ZNF516: variants seen among roughly 807,000 people sequenced by gnomAD.
ZNF516 encodes the protein zinc finger protein 516.
A neutral mutation model predicts 79.7 loss-of-function variants in ZNF516; 19 were observed. The ratio of observed to expected loss-of-function variants is 0.24; its 90% CI spans 0.17 to 0.35. The LOEUF is 0.35. Among genes scored for constraint, ZNF516 ranks in the 10% least tolerant of loss-of-function variants. The pLI is 1.00. For synonymous variants in ZNF516, 877 were observed against 739.5 expected, an observed-to-expected ratio of 1.19 and a Z score of -3.02; for missense variants, 1,678 against 1,679.5, an observed-to-expected ratio of 1.00 and a Z score of 0.02.
At chr18:76,492,237 G>A (rs1915273174) in intron 1 of ZNF516, 1 of 985,378 alleles carries the variant, frequency 1.0e-6, no homozygotes, top group South Asian at 4.7e-5. Context: ...ACACGGAGAT[G>A]CTGCTCGGCT....
At chr18:76,452,629 G>A (rs2145619682) in intron 2 of ZNF516, among the ~76,000 whole-genome samples, 1 of 152,280 alleles carries the variant, frequency 6.6e-6, no homozygotes, top group South Asian at 2.1e-4. Context: ...TTAATTCCTG[G>A]TCCAAGAGGA....
chr18:76,467,637 G>T lies in ZNF516; in HGVS notation c.-271-4496C>A, dbSNP rs1471905481. Among the ~76,000 whole-genome samples the T allele has an allele frequency of 6.6e-6, 1 of 152,256 alleles. No individual in the cohort carries two copies. The highest frequency in any genetic ancestry group is 2.4e-5 in the African/African-American group (1 of 41,520). ...GTCCCTGCTGCTCCTTCCTAACTGG[G>T]ATCTTGAGAAAGACAACAGCCCCAG... On this transcript the variant is annotated intron_variant, in intron 1 of 6. Coordinates refer to ENST00000443185, the MANE Select transcript of ZNF516 (RefSeq NM_014643.4). This position sits in a 1 kb window ranked among gnomAD's most constrained non-coding sequence, Gnocchi z 4.2.
At chr18:76,403,612 C>T (rs374749855) in intron 3 of ZNF516, among the ~76,000 whole-genome samples, 1 of 152,170 alleles carries the variant, frequency 6.6e-6, no homozygotes, top group Admixed American at 6.5e-5. Context: ...AATACAAGAT[C>T]TAGAGTTTCA....
intron 3 of ZNF516, among the ~76,000 whole-genome samples, chr18:76,431,955 G>T (rs1489189340): frequency 6.6e-6 from 1 of 152,198 alleles, no homozygotes; most frequent in Non-Finnish European, 1.5e-5. Context: ...TGTTCAGGCG[G>T]CCCCGCCCAC....
chr18:76,495,398 G>C (rs1915443197), upstream of ZNF516: 1 of 147,602 alleles, frequency 6.8e-6, no homozygotes, highest in Admixed American at 6.7e-5. Context: ...GGGGCTGCGC[G>C]GCACGGGGAG....
chr18:76,413,130 C>T (rs902483186), intron 3 of ZNF516, among the ~76,000 whole-genome samples: 9 of 152,216 alleles, frequency 5.9e-5, no homozygotes, highest in East Asian at 3.8e-4. Flanking sequence ...GCTGAAAATG[C>T]CATACGGTTT....
chr18:76,451,560 C>T lies in ZNF516; in HGVS notation c.-157-8349G>A, dbSNP rs1175445941. ...ATCATAAAATCTAAAAGAGCAACTA[C>T]GCTGGTGCGTTTCTGAAGGACGACT... On this transcript the variant is annotated intron_variant, in intron 2 of 6. Coordinates refer to ENST00000443185, the MANE Select transcript of ZNF516 (RefSeq NM_014643.4). The surrounding 1 kb of genome is among the most constrained non-coding windows in gnomAD (Gnocchi z 6.0). 6.6e-6 allele frequency among the ~76,000 whole-genome samples: 1 copy of T among 152,186 alleles called. No homozygotes were observed. The highest frequency in any genetic ancestry group is 1.5e-5 in the Non-Finnish European group (1 of 68,032).
chr18:76,492,038 G>A, intron 1 of ZNF516: 1 of 430,086 alleles, frequency 2.3e-6, no homozygotes, highest in South Asian at 9.7e-5. Context: ...GGTGACCTCG[G>A]TGCGGCCTGG....
At chr18:76,403,877 A>C (rs963837752) in intron 3 of ZNF516, among the ~76,000 whole-genome samples, 2 of 152,200 alleles carry the variant, frequency 1.3e-5, no homozygotes, top group Non-Finnish European at 2.9e-5. Context: ...TGATTTTTAA[A>C]ATCTGGGGAA....
At chr18:76,369,137 C>G (rs2074662800) in intron 6 of ZNF516, among the ~76,000 whole-genome samples, 1 of 152,162 alleles carries the variant, frequency 6.6e-6, no homozygotes, top group Non-Finnish European at 1.5e-5. Flanking sequence ...AAACACATCA[C>G]GGTGACTGTT....
intron 1 of ZNF516, among the ~76,000 whole-genome samples, chr18:76,478,197 T>C (rs1599152158): frequency 2.6e-5 from 4 of 152,186 alleles, no homozygotes. Flanking sequence ...AATTCATCGA[T>C]GAAGACTGCG....
chr18:76,370,630 T>C (rs2074687722), intron 5 of ZNF516, 35 bp from the exon 6 acceptor site: 2 of 1,547,784 alleles, frequency 1.3e-6, no homozygotes, highest in African/African-American at 1.4e-5. Context: ...CAGATCAGCG[T>C]GTGAGCTTCC....
At chr18:76,395,162 A>G (rs2075127559) in intron 3 of ZNF516, among the ~76,000 whole-genome samples, 1 of 152,196 alleles carries the variant, frequency 6.6e-6, no homozygotes, top group Non-Finnish European at 1.5e-5. Flanking sequence ...TGTTAAACAC[A>G]AGAAAGGGAA....
intron 1 of ZNF516, among the ~76,000 whole-genome samples, chr18:76,472,912 C>CT (rs1913930204): frequency 1.3e-5 from 2 of 152,118 alleles, no homozygotes; most frequent in African/African-American, 4.8e-5. Context: ...AAAATTAACA[C>CT]TAATAGACTA....
intron 1 of ZNF516, among the ~76,000 whole-genome samples, chr18:76,469,847 TTA>T (rs1408933094): frequency 2.0e-5 from 3 of 152,264 alleles, no homozygotes; most frequent in Non-Finnish European, 2.9e-5. Context: ...ATGGTAAACT[TTA>T]TGTTACATAT....
At chr18:76,491,620 G>A in intron 1 of ZNF516, 4 of 349,160 alleles carry the variant, frequency 1.1e-5, no homozygotes, top group South Asian at 1.2e-4. Context: ...GCCCCTTCCC[G>A]CCCCGCCCAC....
chr18:76,455,255 A>C (rs1254213814), intron 2 of ZNF516, among the ~76,000 whole-genome samples: 3 of 152,236 alleles, frequency 2.0e-5, no homozygotes, highest in Non-Finnish European at 4.4e-5. Flanking sequence ...AATTAAGGTC[A>C]GAACAGTCAC....
In ZNF516 at chr18:76,361,115, T is replaced by G. The variant is rs971516376; in HGVS notation, c.*1383A>C. ...ATTTCACAATTAAAAAAAAACCTAG[T>G]AAAGCTTTTGCAAAAAATTTCACAG... On this transcript the variant is annotated 3_prime_UTR_variant, in exon 7 of 7. Transcript: ENST00000443185. 1 of 152,036 alleles carries G rather than the reference T, an allele frequency of 6.6e-6. No homozygotes were observed. The highest frequency in any genetic ancestry group is 3.2e-3 in the Middle Eastern group (1 of 316). The allele number at this position is 152,036 out of a possible 1,614,324, so 9.4% of individuals were successfully genotyped here.
At chr18:76,381,030 TCTGC>T (rs2074884166) in intron 3 of ZNF516, among the ~76,000 whole-genome samples, 1 of 152,134 alleles carries the variant, frequency 6.6e-6, no homozygotes, top group African/African-American at 2.4e-5. Flanking sequence ...CCCCTCAAGC[TCTGC>T]GCCCCTGATG....
Sources: allele counts gnomAD v4.1 joint callset (sites outside exome capture counted in the v4.1 genomes callset), GRCh38; gene constraint gnomAD v4.1.1; non-coding constraint Gnocchi (gnomAD v3.1); transcripts MANE v1.5; gene names NCBI Gene and HGNC (gene_info 2026-07-23, HGNC 2026-07-21).